The following PDIA4 variants were observed in gnomAD, a reference collection of about 807,000 sequenced individuals.
PDIA4 encodes the protein protein disulfide isomerase family A member 4.
A neutral mutation model predicts 62.1 loss-of-function variants in PDIA4; 33 were observed. That is an observed-to-expected ratio of 0.53 (90% CI 0.40 to 0.71). The LOEUF (loss-of-function observed/expected upper bound fraction) is 0.71, where lower values mean the gene tolerates loss of function less well. PDIA4 is among the 30% of genes least tolerant of loss of function. The pLI is 0.00. For synonymous variants in PDIA4, 341 were observed against 324.1 expected (o/e 1.05, Z -0.56); for missense variants, 804 against 813.6 (o/e 0.99, Z 0.14).
Position 149,003,753 on chromosome 7 carries a change from A to G in PDIA4, c.*41T>C. 1 of 1,452,028 alleles carries G rather than the reference A, an allele frequency of 6.9e-7. No homozygotes were observed. The highest frequency in any genetic ancestry group is 9.1e-7 in the Non-Finnish European group (1 of 1,096,530). The allele number at this position is 1,452,028 out of a possible 1,614,324, so 89.9% of individuals were successfully genotyped here. ...TGGACGCCCCGACCATGGGCCACGCAGGGCGTCTGCCTCCTCCCACCTTCC... is the reference window on the plus strand; with the variant it reads ...TGGACGCCCCGACCATGGGCCACGCGGGGCGTCTGCCTCCTCCCACCTTCC... On this transcript the variant is annotated 3_prime_UTR_variant, in exon 10 of 10. Transcript: ENST00000652332.
At chr7:149,012,130 G>C (rs758147565) in intron 5 of PDIA4, 25 bp downstream of exon 5, 3 of 1,611,462 alleles carry the variant, frequency 1.9e-6, no homozygotes, top group Non-Finnish European at 2.5e-6. Context: ...CCCCACTGTA[G>C]TGGGAGAGAA....
At chr7:149,027,780 C>T (rs1274350638) in intron 1 of PDIA4, 5 of 453,254 alleles carry the variant, frequency 1.1e-5, no homozygotes, top group African/African-American at 1.0e-4. Flanking sequence ...TCTCTAGTTT[C>T]TCAAAGGTGC....
chr7:149,010,809 T>TG (rs1203285177), intron 6 of PDIA4, among the ~76,000 whole-genome samples: 1 of 152,186 alleles, frequency 6.6e-6, no homozygotes, highest in African/African-American at 2.4e-5. Context: ...AGGAATGTGG[T>TG]GCCAGGCCTG....
intron 2 of PDIA4, 139 bp downstream of exon 2, chr7:149,020,828 G>A: frequency 1.5e-6 from 2 of 1,360,940 alleles, no homozygotes; most frequent in Non-Finnish European, 1.9e-6. Context: ...TGAGCTCCCA[G>A]CGTTCTTAAA....
At position 149,009,298 on chromosome 7, in the gene PDIA4, T is replaced by TAAC. The variant is rs1023391893; in HGVS notation, c.980-991_980-989dup. 3.3e-5 allele frequency among the ~76,000 whole-genome samples: 5 copies of TAAC among 151,886 alleles called. No individual in the cohort carries two copies. The South Asian group carries it at 6.2e-4, about 19-fold the overall frequency. ...CCCATTTCTATAAAGATAAAATAAATAACAACAACAACAAAAAAACCCCGG... is the reference window on the plus strand; with the variant it reads ...CCCATTTCTATAAAGATAAAATAAATAACAACAACAACAACAAAAAAACCCCGG... On this transcript the variant is annotated intron_variant, in intron 6 of 9. Coordinates refer to ENST00000652332, the MANE Select transcript of PDIA4 (RefSeq NM_004911.5).
intron 1 of PDIA4, among the ~76,000 whole-genome samples, chr7:149,025,661 CT>C (rs1824524480): frequency 6.6e-6 from 1 of 152,184 alleles, no homozygotes. Flanking sequence ...GTCCTGACCA[CT>C]TAACTGCTAT....
intron 3 of PDIA4, among the ~76,000 whole-genome samples, chr7:149,016,704 G>C (rs1824150887): frequency 6.6e-6 from 1 of 151,954 alleles, no homozygotes; most frequent in Admixed American, 6.6e-5. Flanking sequence ...GTAGAGATGG[G>C]GTTTAACCAT....
chr7:149,017,923 A>G (rs944800834), intron 3 of PDIA4, among the ~76,000 whole-genome samples: 1 of 152,130 alleles, frequency 6.6e-6, no homozygotes, highest in Non-Finnish European at 1.5e-5. Flanking sequence ...GCAGCCCTGC[A>G]TGCTTGTAAG....
chr7:149,020,216 C>T (rs960054072), intron 2 of PDIA4, among the ~76,000 whole-genome samples: 1 of 152,170 alleles, frequency 6.6e-6, no homozygotes, highest in Non-Finnish European at 1.5e-5. Context: ...CCGCCTTGGC[C>T]TCCCAAAGTG....
Position 149,012,145 on chromosome 7 carries a change from G to A in PDIA4, c.820+10C>T, listed in dbSNP as rs200863165. On this transcript the variant is annotated intron_variant, in intron 5 of 9. Coordinates refer to ENST00000652332, the MANE Select transcript of PDIA4 (RefSeq NM_004911.5). The stretch of plus-strand genomic sequence containing the variant: ...CCCCACTGTAGTGGGAGAGAAGGGA[G>A]TGGCCATACCATATTTTTCTCGTGG... The A allele has an allele frequency of 5.3e-5, 86 of 1,613,652 alleles. No homozygotes were observed. In the African/African-American group the frequency reaches 9.7e-4, roughly 18 times the overall value.
chr7:149,009,984 T>C (rs1423059543), intron 6 of PDIA4, among the ~76,000 whole-genome samples: 6 of 152,114 alleles, frequency 3.9e-5, no homozygotes. Context: ...GACTCTCAGC[T>C]GGGTTATAGG....
chr7:149,025,085 A>AAATATATATATATATATATATAT (rs1554446854), intron 1 of PDIA4, among the ~76,000 whole-genome samples: 2 of 22,350 alleles, frequency 8.9e-5, no homozygotes, highest in Admixed American at 9.2e-4. Flanking sequence ...AAAAAAAAAA[A>AAATATATATATATATATATATAT]ATATATATAT....
chr7:149,004,066 C>T lies in PDIA4; in HGVS notation c.1666G>A (p.Gly556Arg), dbSNP rs766521381. ...ACGGGCTCTAGCTGCTTGCAGTGCC[C>T]GCACCATGGCGCGTAGAACTCGATG... ...VLIEFYAPWC[G>R]HCKQLEPVYN... Residue 556 changes from glycine to arginine, a missense_variant, in exon 10 of 10, where the codon GGG becomes AGG. Coordinates refer to ENST00000652332, the MANE Select transcript of PDIA4 (RefSeq NM_004911.5). 10 of 1,614,072 alleles carry T rather than the reference C, an allele frequency of 6.2e-6. No homozygotes were observed. Among genetic ancestry groups the T allele is most frequent in the East Asian group, 4.5e-5 (2 of 44,900 alleles).
At chr7:149,026,606 G>A (rs1437159169) in intron 1 of PDIA4, among the ~76,000 whole-genome samples, 1 of 151,808 alleles carries the variant, frequency 6.6e-6, no homozygotes, top group African/African-American at 2.4e-5. Context: ...AGCTGAGATC[G>A]CGTCACTGCA....
chr7:149,007,505 G>A (rs985770085), intron 7 of PDIA4, among the ~76,000 whole-genome samples: 19 of 152,038 alleles, frequency 1.2e-4, no homozygotes, highest in Non-Finnish European at 2.2e-4. Flanking sequence ...CTTCAAACTC[G>A]ACATCTAAGA....
intron 1 of PDIA4, among the ~76,000 whole-genome samples, chr7:149,024,727 A>C (rs1293332903): frequency 1.3e-5 from 2 of 148,948 alleles, no homozygotes; most frequent in East Asian, 4.1e-4. Context: ...GAGGCAGGGG[A>C]ATTGCTTGAA....
rs61739280 is a variant in PDIA4, at chr7:149,012,261, G to A, written c.714C>T (p.Thr238=). The A allele has an allele frequency of 3.7e-4, 596 of 1,614,144 alleles. No individual in the cohort carries two copies. In the African/African-American group the frequency reaches 3.9e-3, roughly 11 times the overall value. ...PPIPLAKVDA[T]AETDLAKRFD... ...ACCTCTTGGCCAGGTCTGTTTCTGCGGTGGCGTCGACCTTTGCCAGGGGAA... is the reference window on the plus strand; with the variant it reads ...ACCTCTTGGCCAGGTCTGTTTCTGCAGTGGCGTCGACCTTTGCCAGGGGAA... The change falls in exon 5 of 10, where the codon ACC becomes ACT. Residue 238 remains threonine, a synonymous_variant. Coordinates refer to ENST00000652332, the MANE Select transcript of PDIA4 (RefSeq NM_004911.5).
At chr7:149,025,363 C>A (rs1824515079) in intron 1 of PDIA4, among the ~76,000 whole-genome samples, 1 of 152,184 alleles carries the variant, frequency 6.6e-6, no homozygotes, top group Non-Finnish European at 1.5e-5. Context: ...CAGCTGATCA[C>A]TCTCATCTCC....
In PDIA4 at chr7:149,003,873, C is replaced by G. The variant is rs749839947; in HGVS notation, c.1859G>C (p.Gly620Ala). Residue 620 changes from glycine (G) to alanine (A), a missense_variant, in exon 10 of 10, where the codon GGA (glycine) becomes GCA (alanine). Gly to Ala is a moderately conservative substitution (Grantham distance 60, BLOSUM62 0). Coordinates refer to ENST00000652332, the MANE Select transcript of PDIA4 (RefSeq NM_004911.5). ...GCTCAAATGCTCCAGATCTCTGTCT[C>G]CACCCTCAAATTTAACTGGGTTCTT... Reference protein sequence around the residue: ...DKKNPVKFEGGDRDLEHLSKF... With the variant: ...DKKNPVKFEGADRDLEHLSKF... 1 of 1,612,492 alleles carries G rather than the reference C, an allele frequency of 6.2e-7. No individual in the cohort carries two copies. Among genetic ancestry groups the G allele is most frequent in the Non-Finnish European group, 8.5e-7 (1 of 1,179,408 alleles).
Sources: gnomAD v4.1 joint callset for allele counts (sites outside exome capture counted in the v4.1 genomes callset) on GRCh38, gnomAD v4.1.1 for gene constraint, MANE v1.5 for transcripts, NCBI Gene and HGNC (gene_info 2026-07-23, HGNC 2026-07-21) for gene names.